Variants in KCNH5 observed in about 807,000 individuals in gnomAD.
KCNH5 encodes voltage-gated delayed rectifier potassium channel KCNH5.
Under a neutral mutation model 96.1 loss-of-function variants are expected in KCNH5, and 46 were observed. The ratio of observed to expected loss-of-function variants is 0.48; its 90% CI spans 0.38 to 0.61. The LOEUF (loss-of-function observed/expected upper bound fraction) is 0.61. Among genes scored for constraint, KCNH5 ranks in the 20% least tolerant of loss-of-function variants. The pLI, the probability that KCNH5 is intolerant of heterozygous loss-of-function variation, is 0.00. For synonymous variants in KCNH5, 439 were observed against 449.8 expected, an observed-to-expected ratio of 0.98 and a Z score of 0.30; for missense variants, 907 against 1,225.8, an observed-to-expected ratio of 0.74 and a Z score of 3.88.
intron 10 of KCNH5, among the ~76,000 whole-genome samples, chr14:62,761,068 C>T (rs558226319): frequency 2.0e-5 from 3 of 152,144 alleles, no homozygotes; most frequent in African/African-American, 7.2e-5. Context: ...CAAAAGATTA[C>T]GGTCGGCCAG....
chr14:62,853,290 C>T (rs920766350), intron 7 of KCNH5, among the ~76,000 whole-genome samples: 3 of 151,620 alleles, frequency 2.0e-5, no homozygotes, highest in Non-Finnish European at 4.4e-5. Context: ...CCTCTATGTC[C>T]TCACTTAGAA....
rs560978776 is a variant in KCNH5 at position 62,967,590 on chromosome 14, G to A, written c.942+13282C>T. Among the ~76,000 whole-genome samples the A allele has an allele frequency of 5.9e-5, 9 of 152,218 alleles. No individual in the cohort carries two copies. In the South Asian group the frequency reaches 1.9e-3, roughly 32 times the overall value. The stretch of plus-strand genomic sequence containing the variant: ...ACAAAGACAAACATATTCTTTATAA[G>A]TTAGTGTGTGTTGTGTGAAAGCAGG... On this transcript the variant is annotated intron_variant, in intron 6 of 10. Coordinates refer to ENST00000322893, the MANE Select transcript of KCNH5 (RefSeq NM_139318.5).
chr14:62,899,023 T>C (rs182330113), intron 7 of KCNH5, among the ~76,000 whole-genome samples: 3 of 152,188 alleles, frequency 2.0e-5, no homozygotes, highest in Admixed American at 6.5e-5. Context: ...ACAAAAGTAA[T>C]TGGAGATTTT....
intron 7 of KCNH5, among the ~76,000 whole-genome samples, chr14:62,941,361 T>A (rs981482692): frequency 6.6e-6 from 1 of 152,152 alleles, no homozygotes; most frequent in Non-Finnish European, 1.5e-5. Flanking sequence ...AAGCCCTAGT[T>A]GGAATAAGAA....
At chr14:62,817,174 TAATATAC>T (rs1887000373) in intron 8 of KCNH5, among the ~76,000 whole-genome samples, 2 of 138,336 alleles carry the variant, frequency 1.4e-5, no homozygotes, top group Admixed American at 7.9e-5. Context: ...ATATAATATA[TAATATAC>T]TATATATTAT....
chr14:63,034,477 T>C (rs536186436), intron 1 of KCNH5, among the ~76,000 whole-genome samples: 12 of 152,340 alleles, frequency 7.9e-5, no homozygotes, highest in Admixed American at 7.8e-4. Flanking sequence ...AAAATACACC[T>C]GTATCCTACA....
chr14:62,875,820 G>C (rs117315217), intron 7 of KCNH5, among the ~76,000 whole-genome samples: 4,533 of 152,206 alleles, frequency 0.03, 87 homozygotes, highest in Non-Finnish European at 0.039. Context: ...ATTAAGACCA[G>C]CCTGGTGTTA....
chr14:62,887,269 T>C (rs1888616081), intron 7 of KCNH5, among the ~76,000 whole-genome samples: 1 of 152,128 alleles, frequency 6.6e-6, no homozygotes, highest in Admixed American at 6.5e-5. Flanking sequence ...ACAAGCGAAA[T>C]CAGTTCTTGA....
At chr14:62,803,467 C>T (rs1447799245) in intron 8 of KCNH5, among the ~76,000 whole-genome samples, 1 of 152,110 alleles carries the variant, frequency 6.6e-6, no homozygotes, top group Non-Finnish European at 1.5e-5. Context: ...TATTGACCAG[C>T]CTTCTGTAAG....
chr14:62,944,334 C>T (rs1045634078), intron 7 of KCNH5, among the ~76,000 whole-genome samples: 2 of 152,120 alleles, frequency 1.3e-5, no homozygotes, highest in Non-Finnish European at 2.9e-5. Context: ...GTTGGTGTCT[C>T]CATCAACCTT....
At chr14:62,865,191 C>T (rs1888110310) in intron 7 of KCNH5, among the ~76,000 whole-genome samples, 1 of 152,000 alleles carries the variant, frequency 6.6e-6, no homozygotes, top group African/African-American at 2.4e-5. Context: ...GTTGGCAGGG[C>T]TTGATGTTTT....
intron 3 of KCNH5, among the ~76,000 whole-genome samples, chr14:63,003,622 A>ATTTT (rs1378476183): frequency 2.7e-5 from 3 of 111,380 alleles, no homozygotes; most frequent in African/African-American, 1.2e-4. Context: ...ATATATATAT[A>ATTTT]TATTTTTTTT....
At chr14:63,005,528 A>C (rs1246028037) in intron 3 of KCNH5, among the ~76,000 whole-genome samples, 1 of 152,226 alleles carries the variant, frequency 6.6e-6, no homozygotes, top group Non-Finnish European at 1.5e-5. Flanking sequence ...ATAATAGTAG[A>C]CTTTGCTATC....
At chr14:62,875,559 C>T (rs569049546) in intron 7 of KCNH5, among the ~76,000 whole-genome samples, 9 of 151,170 alleles carry the variant, frequency 6.0e-5, no homozygotes, top group Admixed American at 1.3e-4. Flanking sequence ...CAGATGCTGG[C>T]GAGGAGAAAC....
At chr14:62,755,577 A>G (rs1417822097) in intron 10 of KCNH5, among the ~76,000 whole-genome samples, 1 of 152,198 alleles carries the variant, frequency 6.6e-6, no homozygotes, top group Non-Finnish European at 1.5e-5. Context: ...AACTCATTCT[A>G]TGAGCACAAT....
chr14:62,810,201 G>A (rs558810109), intron 8 of KCNH5, among the ~76,000 whole-genome samples: 2 of 152,066 alleles, frequency 1.3e-5, no homozygotes, highest in African/African-American at 4.8e-5. Flanking sequence ...AGTTATAAAT[G>A]GCCCTCGCCA....
chr14:62,738,519 A>G (rs567591998), intron 10 of KCNH5, among the ~76,000 whole-genome samples: 1 of 152,226 alleles, frequency 6.6e-6, no homozygotes, highest in South Asian at 2.1e-4. Context: ...ATAACAAAAC[A>G]TTTTAAAATG....
chr14:62,966,404 G>C (rs1020407251), intron 6 of KCNH5, among the ~76,000 whole-genome samples: 30 of 152,124 alleles, frequency 2.0e-4, no homozygotes, highest in African/African-American at 7.2e-4. Flanking sequence ...TATGCTCCCT[G>C]TCCCCAGTCT....
At chr14:62,740,030 T>C (rs933737651) in intron 10 of KCNH5, among the ~76,000 whole-genome samples, 11 of 152,148 alleles carry the variant, frequency 7.2e-5, no homozygotes, top group Non-Finnish European at 1.6e-4. Context: ...CAGACAAACA[T>C]AGACCATATA....
Sources: gnomAD v4.1 joint callset for allele counts (sites outside exome capture counted in the v4.1 genomes callset) on GRCh38, gnomAD v4.1.1 for gene constraint, MANE v1.5 for transcripts, NCBI Gene and HGNC (gene_info 2026-07-23, HGNC 2026-07-21) for gene names.